Variants in IQUB observed in about 807,000 individuals in gnomAD.
The protein encoded by IQUB is IQ motif and ubiquitin domain containing.
In IQUB, 86 loss-of-function variants were observed where a neutral mutation model predicts 86.4. That is an observed-to-expected ratio of 1.00 (90% confidence interval 0.84 to 1.19). The LOEUF (loss-of-function observed/expected upper bound fraction) is 1.19, where lower values mean the gene tolerates loss of function less well. IQUB is among the 50% of genes most tolerant of loss of function. IQUB has a pLI of 0.00. For missense variants in IQUB, 946 were observed against 916.9 expected, an observed-to-expected ratio of 1.03 and a Z score of -0.41; for synonymous variants, 289 against 304.5, an observed-to-expected ratio of 0.95 and a Z score of 0.53.
intron 7 of IQUB, among the ~76,000 whole-genome samples, chr7:123,488,394 A>G (rs989994565): frequency 1.3e-5 from 2 of 151,960 alleles, no homozygotes; most frequent in African/African-American, 4.8e-5. Context: ...AAAGTACAGT[A>G]AACCCCTACA....
At chr7:123,461,240 TC>T (rs1793965178) in intron 11 of IQUB, 116 bp downstream of exon 11, 1 of 1,039,254 alleles carries the variant, frequency 9.6e-7, no homozygotes, top group Non-Finnish European at 1.4e-6. Flanking sequence ...GAGCTTACAG[TC>T]TAGTGGAATA....
At chr7:123,485,064 T>C (rs1432791212) in intron 7 of IQUB, among the ~76,000 whole-genome samples, 1 of 152,126 alleles carries the variant, frequency 6.6e-6, no homozygotes, top group African/African-American at 2.4e-5. Context: ...ATACTTGTTC[T>C]CTAAAGGATG....
chr7:123,457,084 T>G (rs1793732733), intron 12 of IQUB: 1 of 726,074 alleles, frequency 1.4e-6, no homozygotes, highest in Non-Finnish European at 1.7e-6. Flanking sequence ...TAGATGTAAA[T>G]AAGCCAAACA....
chr7:123,521,060 A>G (rs1796878515), intron 1 of IQUB, among the ~76,000 whole-genome samples: 1 of 152,138 alleles, frequency 6.6e-6, no homozygotes. Context: ...ACACTGGGTT[A>G]GCAGTTTGAA....
chr7:123,524,665 C>T lies in IQUB; in HGVS notation c.-5+9827G>A, dbSNP rs531663705. On this transcript the variant is annotated intron_variant, in intron 1 of 12. Coordinates refer to ENST00000324698, the MANE Select transcript of IQUB (RefSeq NM_178827.5). The stretch of plus-strand genomic sequence containing the variant: ...CTGCAAACAGGGACAATTTGACTTC[C>T]TCTTTTCCTAATTGAATAGCCTTTA... Among the ~76,000 whole-genome samples the T allele has an allele frequency of 4.8e-4, 72 of 151,372 alleles. 2 individuals carry two copies. The South Asian group carries it at 0.015, about 31-fold the overall frequency.
chr7:123,458,866 C>A (rs1019055934), intron 11 of IQUB, among the ~76,000 whole-genome samples: 1 of 151,868 alleles, frequency 6.6e-6, no homozygotes, highest in Admixed American at 6.6e-5. Context: ...GTGACTAGTA[C>A]AACACTCAAA....
chr7:123,512,840 C>A (rs973642035), intron 1 of IQUB, among the ~76,000 whole-genome samples: 2 of 152,024 alleles, frequency 1.3e-5, no homozygotes, highest in Non-Finnish European at 2.9e-5. Context: ...CCCAAATAAA[C>A]CTATTACAAC....
chr7:123,518,540 A>G (rs1007959473), intron 1 of IQUB, among the ~76,000 whole-genome samples: 21 of 152,052 alleles, frequency 1.4e-4, no homozygotes, highest in African/African-American at 5.1e-4. Context: ...TACCATATCT[A>G]GGGCTGATCT....
intron 1 of IQUB, among the ~76,000 whole-genome samples, chr7:123,528,273 CTTCTGCGTCGCTCACGCT>C (rs1797359451): frequency 6.6e-6 from 1 of 152,218 alleles, no homozygotes; most frequent in South Asian, 2.1e-4. Flanking sequence ...AATCACCCGT[CTTCTGCGTCGCTCACGCT>C]GGGAGCTGTT....
At chr7:123,458,615 CTTG>C (rs1439155552) in intron 11 of IQUB, among the ~76,000 whole-genome samples, 15 of 152,056 alleles carry the variant, frequency 9.9e-5, no homozygotes, top group Non-Finnish European at 2.1e-4. Context: ...CAAAATGCAT[CTTG>C]TTTACATTTT....
At chr7:123,507,860 G>T (rs1490040246) in intron 3 of IQUB, among the ~76,000 whole-genome samples, 1 of 143,168 alleles carries the variant, frequency 7.0e-6, no homozygotes, top group Non-Finnish European at 1.5e-5. Context: ...AACAGAGTGA[G>T]ACTCCATCTC....
At chr7:123,475,557 A>G (rs1353544484) in intron 8 of IQUB, among the ~76,000 whole-genome samples, 2 of 152,152 alleles carry the variant, frequency 1.3e-5, no homozygotes, top group African/African-American at 4.8e-5. Flanking sequence ...ACAATGCTAG[A>G]CATGGGGACT....
At chr7:123,509,050 T>C (rs1161904741) in intron 3 of IQUB, among the ~76,000 whole-genome samples, 2 of 152,222 alleles carry the variant, frequency 1.3e-5, no homozygotes, top group African/African-American at 4.8e-5. Context: ...ATGAACATCT[T>C]ACATTTACTA....
chr7:123,523,390 C>T (rs1353525915), intron 1 of IQUB, among the ~76,000 whole-genome samples: 1 of 150,332 alleles, frequency 6.7e-6, no homozygotes, highest in African/African-American at 2.5e-5. Flanking sequence ...TTAATGATTG[C>T]CATTCTAACT....
At chr7:123,466,308 T>C (rs1458053392) in intron 9 of IQUB, among the ~76,000 whole-genome samples, 2 of 152,172 alleles carry the variant, frequency 1.3e-5, no homozygotes, top group Admixed American at 6.6e-5. Flanking sequence ...ATGCATAATT[T>C]GCCTTTTATG....
At chr7:123,526,008 G>C (rs961134031) in intron 1 of IQUB, among the ~76,000 whole-genome samples, 1 of 145,508 alleles carries the variant, frequency 6.9e-6, no homozygotes. Flanking sequence ...GTAGTTAAGC[G>C]GTTTTGAGTG....
chr7:123,507,388 G>C (rs1288876984), intron 3 of IQUB, among the ~76,000 whole-genome samples: 1 of 150,074 alleles, frequency 6.7e-6, no homozygotes, highest in Non-Finnish European at 1.5e-5. Flanking sequence ...AGGTAGGCTA[G>C]GCTAAGCTAT....
chr7:123,453,301 T>C (rs1175630731), intron 12 of IQUB, among the ~76,000 whole-genome samples: 2 of 144,732 alleles, frequency 1.4e-5, no homozygotes, highest in Non-Finnish European at 1.5e-5. Context: ...ATGTTATAGA[T>C]ATTGAGGTGA....
rs1428659200 is a variant in IQUB at position 123,532,050 on chromosome 7, TG to T, written c.-5+2441del. Among the ~76,000 whole-genome samples the T allele has an allele frequency of 1.3e-4, 20 of 152,270 alleles. No individual in the cohort carries two copies. The East Asian group carries it at 1.4e-3, about 10-fold the overall frequency. On this transcript the variant is annotated intron_variant, in intron 1 of 12. Transcript: ENST00000324698. ...ATGATAATAATTAACATATACTGAG[TG>T]CTTCCGATGGCGCAGTTAATTCTTA...
Sources: allele counts gnomAD v4.1 joint callset (sites outside exome capture counted in the v4.1 genomes callset), GRCh38; gene constraint gnomAD v4.1.1; transcripts MANE v1.5; gene names NCBI Gene and HGNC (gene_info 2026-07-23, HGNC 2026-07-21).